The following SCN4A variants were observed in gnomAD, a reference collection of about 807,000 sequenced individuals.
The protein encoded by SCN4A is sodium voltage-gated channel alpha subunit 4.
SCN4A carries 83 observed loss-of-function variants against 162.0 expected under a neutral mutation model. That is an observed-to-expected ratio of 0.51 (90% CI 0.43 to 0.61). The LOEUF (loss-of-function observed/expected upper bound fraction) is 0.61, where lower values mean the gene tolerates loss of function less well. Ranked by LOEUF, SCN4A falls within the 20% of genes least tolerant of loss-of-function variation. The pLI, the probability that SCN4A is intolerant of heterozygous loss-of-function variation, is 0.00. For synonymous variants in SCN4A, 944 were observed against 985.1 expected (o/e 0.96, Z 0.78); for missense variants, 2,196 against 2,462.5 (o/e 0.89, Z 2.29).
chr17:63,961,170 T>TTC, intron 11 of SCN4A, 23 bp downstream of exon 11: 8 of 1,016,002 alleles, frequency 7.9e-6, no homozygotes, highest in South Asian at 2.5e-5. Context: ...CCATGAATGA[T>TTC]CCCCTCCCCC....
intron 16 of SCN4A, 35 bp downstream of exon 16, chr17:63,948,576 C>T (rs1908802441): frequency 2.5e-6 from 4 of 1,598,112 alleles, no homozygotes; most frequent in East Asian, 2.2e-5. Context: ...GGGCCTGGCC[C>T]CTGCCCCTGA....
At chr17:63,968,484 C>T (rs1454710299) in intron 5 of SCN4A, 129 bp from the exon 6 acceptor site, 3 of 693,870 alleles carry the variant, frequency 4.3e-6, no homozygotes, top group East Asian at 2.7e-5. Flanking sequence ...ACCACTACTT[C>T]CCCGAAGCCT....
Position 63,972,454 on chromosome 17 carries a change from T to C in SCN4A, c.290A>G (p.Asn97Ser). The C allele has an allele frequency of 6.2e-7, 1 of 1,613,874 alleles. No individual in the cohort carries two copies. The highest frequency in any genetic ancestry group is 8.5e-7 in the Non-Finnish European group (1 of 1,179,856). ...YSNKKTFIVL[N>S]KGKAIFRFSA... The stretch of plus-strand genomic sequence containing the variant: ...GAAGCGGAAGATGGCCTTGCCCTTG[T>C]TGAGTACGATGAAGGTCTAAGGTGG... The change falls in exon 2 of 24, where the codon AAC (asparagine) becomes AGC (serine). Residue 97 changes from asparagine (N) to serine (S), a missense_variant. Coordinates refer to ENST00000435607, the MANE Select transcript of SCN4A (RefSeq NM_000334.4). This position sits in a 1 kb window ranked among gnomAD's most constrained non-coding sequence, Gnocchi z 4.3.
intron 10 of SCN4A, among the ~76,000 whole-genome samples, chr17:63,961,922 GT>G (rs1909276519): frequency 7.7e-6 from 1 of 130,474 alleles, no homozygotes; most frequent in Non-Finnish European, 1.6e-5. Flanking sequence ...CCTCATGTCC[GT>G]CCCCTCTAAA....
intron 23 of SCN4A, 80 bp from the exon 24 acceptor site, chr17:63,942,073 G>A: frequency 6.6e-6 from 9 of 1,366,228 alleles, no homozygotes; most frequent in Non-Finnish European, 8.8e-6. Flanking sequence ...GGGGCTCAGG[G>A]GGCCCGGCCT....
Position 63,944,293 on chromosome 17 carries a change from C to T in SCN4A, c.3912+380G>A, listed in dbSNP as rs1343099019. The stretch of plus-strand genomic sequence containing the variant: ...TAGCTGGGATTACAGATGCCTGCCA[C>T]CACGCCTGGCTAATTTCTTTTTTTA... On this transcript the variant is annotated intron_variant, in intron 21 of 23. Transcript: ENST00000435607. This position sits in a 1 kb window ranked among gnomAD's most constrained non-coding sequence, Gnocchi z 4.3. Among the ~76,000 whole-genome samples the T allele has an allele frequency of 2.0e-5, 3 of 152,146 alleles. No individual in the cohort carries two copies. The highest frequency in any genetic ancestry group is 7.2e-5 in the African/African-American group (3 of 41,414).
chr17:63,947,749 G>A (rs1908771231), intron 17 of SCN4A, 141 bp downstream of exon 17: 1 of 770,850 alleles, frequency 1.3e-6, no homozygotes, highest in Non-Finnish European at 2.0e-6. Context: ...AGCTCTGTCT[G>A]AGAAGGGCAG....
chr17:63,968,503 T>A, intron 5 of SCN4A, 148 bp from the exon 6 acceptor site: 1 of 638,974 alleles, frequency 1.6e-6, no homozygotes, highest in Non-Finnish European at 2.7e-6. Flanking sequence ...CTTCTGAAAT[T>A]AACTCCACCC....
rs4968678 is a variant in SCN4A at position 63,966,848 on chromosome 17, A to G, written c.1037-304T>C. On this transcript the variant is annotated intron_variant, in intron 6 of 23. Coordinates refer to ENST00000435607, the MANE Select transcript of SCN4A (RefSeq NM_000334.4). ...GTGTGCATGGGGTTATTGTGTACCT[A>G]TGTAGGGCCCCTGAGTGAAGGGTGA... Among the ~76,000 whole-genome samples, 130,475 of 152,212 alleles carry G rather than the reference A, an allele frequency of 0.86. 56,757 individuals carry two copies. The highest frequency in any genetic ancestry group is 1 in the East Asian group (5,180 of 5,184).
Position 63,968,256 on chromosome 17 carries a change from C to T in SCN4A, c.803G>A (p.Gly268Glu). The T allele has an allele frequency of 6.2e-7, 1 of 1,614,090 alleles. No individual in the cohort carries two copies. Among genetic ancestry groups the T allele is most frequent in the Non-Finnish European group, 8.5e-7 (1 of 1,179,960 alleles). ...CAGGTTTCCCATGAAGAGCTGCAGT[C>T]CTACCAGCGCAAAGACGCTCAGGCA... ...VFCLSVFALVGLQLFMGNLRQ... is the reference protein window; with the variant it reads ...VFCLSVFALVELQLFMGNLRQ... Residue 268 changes from glycine (G) to glutamate (E), a missense_variant, in exon 6 of 24, where the codon GGA (glycine) becomes GAA (glutamate). Transcript: ENST00000435607.
intron 5 of SCN4A, among the ~76,000 whole-genome samples, chr17:63,969,165 C>G (rs1028288407): frequency 5.9e-5 from 9 of 152,186 alleles, no homozygotes; most frequent in Non-Finnish European, 1.5e-5. Flanking sequence ...ACTTTAATCC[C>G]ACGTATCCTT....
At chr17:63,961,817 C>T (rs1225554467) in intron 10 of SCN4A, 1 of 221,648 alleles carries the variant, frequency 4.5e-6, no homozygotes, top group African/African-American at 2.3e-5. Context: ...TCCGGACACA[C>T]CTCTCTAAAC....
chr17:63,957,627 C>G (rs575939608), intron 12 of SCN4A, 109 bp from the exon 13 acceptor site: 6 of 703,728 alleles, frequency 8.5e-6, no homozygotes, highest in Admixed American at 2.4e-5. Flanking sequence ...TCCAGCCCCC[C>G]ACACCATCTG....
intron 11 of SCN4A, among the ~76,000 whole-genome samples, 177 bp from the exon 12 acceptor site, chr17:63,959,615 G>A (rs570860446): frequency 6.6e-6 from 1 of 152,350 alleles, no homozygotes; most frequent in South Asian, 2.1e-4. Flanking sequence ...GAGTGATGGA[G>A]GCAAAGGCCA....
rs1427540247 is a variant in SCN4A at position 63,942,836 on chromosome 17, C to G, written c.4278G>C (p.Leu1426=). The G allele has an allele frequency of 6.2e-7, 1 of 1,613,740 alleles. No individual in the cohort carries two copies. Residue 1426 remains leucine (L), a synonymous_variant, in exon 23 of 24, where the codon CTG becomes CTC. Transcript: ENST00000435607. ...WNIFDFVVVI[L]SIVGLALSDL... ...GCCCGCCCCGCTCACCCACAATGGA[C>G]AGGATGACGACCACGAAGTCAAAGA... is the stretch of plus-strand genomic sequence containing the variant.
Position 63,948,895 on chromosome 17 carries a change from C to T in SCN4A, c.2990-130G>A, listed in dbSNP as rs532071575. 2.5e-3 allele frequency: 1,922 copies of T among 756,198 alleles called. 3 individuals carry two copies. The highest frequency in any genetic ancestry group is 3.6e-3 in the Admixed American group (121 of 33,892). The allele number at this position is 756,198 out of a possible 1,614,324, so 46.8% of individuals were successfully genotyped here. A position where few individuals can be genotyped will look rare whatever the true frequency, so the allele number is the denominator to read the frequency against. On this transcript the variant is annotated intron_variant, in intron 15 of 23. Coordinates refer to ENST00000435607, the MANE Select transcript of SCN4A (RefSeq NM_000334.4). ...CCAGCTCCCAGACCCAGGGCCCCCACCTCCTCCCTCACCCAGCTCCATCTG... is the reference window on the plus strand; with the variant it reads ...CCAGCTCCCAGACCCAGGGCCCCCATCTCCTCCCTCACCCAGCTCCATCTG...
At position 63,949,359 on chromosome 17, in the gene SCN4A, G is replaced by T. The variant is rs777575236; in HGVS notation, c.2989+34C>A. On this transcript the variant is annotated intron_variant, in intron 15 of 23. Coordinates refer to ENST00000435607, the MANE Select transcript of SCN4A (RefSeq NM_000334.4). Reference sequence around the variant, plus strand: ...CCCTTGCAGGGGCTGCAGGCCTGGGGGAGACACCCAGATGAGGTGAGGGGT... The same window carrying T: ...CCCTTGCAGGGGCTGCAGGCCTGGGTGAGACACCCAGATGAGGTGAGGGGT... 22 of 1,545,732 alleles carry T rather than the reference G, an allele frequency of 1.4e-5. No homozygotes were observed. The East Asian group carries it at 5.3e-4, about 37-fold the overall frequency.
chr17:63,942,303 CAGAG>C (rs981527515), intron 23 of SCN4A, among the ~76,000 whole-genome samples: 9 of 135,224 alleles, frequency 6.7e-5, no homozygotes, highest in Non-Finnish European at 1.5e-4. Context: ...GTGAAAGAGA[CAGAG>C]AGAGAGAGAC....
chr17:63,958,136 G>A (rs532059534), intron 12 of SCN4A, among the ~76,000 whole-genome samples: 11 of 152,238 alleles, frequency 7.2e-5, no homozygotes, highest in South Asian at 6.2e-4. Flanking sequence ...TTGGGAGGCC[G>A]AAGAAGGTGC....
Sources: allele counts gnomAD v4.1 joint callset (sites outside exome capture counted in the v4.1 genomes callset), GRCh38; gene constraint gnomAD v4.1.1; non-coding constraint Gnocchi (gnomAD v3.1); transcripts MANE v1.5; gene names NCBI Gene and HGNC (gene_info 2026-07-23, HGNC 2026-07-21).